The following KCNMB2 variants were observed in gnomAD, a reference collection of about 807,000 sequenced individuals.
The protein encoded by KCNMB2 is calcium-activated potassium channel subunit beta-2.
In KCNMB2, 9 loss-of-function variants were observed where a neutral mutation model predicts 24.5. The ratio of observed to expected loss-of-function variants is 0.37; its 90% CI spans 0.22 to 0.64. The LOEUF (loss-of-function observed/expected upper bound fraction) is 0.64. Ranked by LOEUF, KCNMB2 falls within the 30% of genes least tolerant of loss-of-function variation. The pLI, the probability that KCNMB2 is intolerant of heterozygous loss-of-function variation, is 0.63. For missense variants in KCNMB2, 226 were observed against 284.3 expected, an observed-to-expected ratio of 0.79 and a Z score of 1.47; for synonymous variants, 109 against 104.4, an observed-to-expected ratio of 1.04 and a Z score of -0.27.
rs148213201 is a variant in KCNMB2 at position 178,587,373 on chromosome 3, A to G, written c.-68+50662A>G. On this transcript the variant is annotated intron_variant, in intron 1 of 4. Coordinates refer to ENST00000452583, the MANE Select transcript of KCNMB2 (RefSeq NM_181361.3). Reference sequence around the variant, plus strand: ...GGTGGAAGAAGGACCCCTAGAGTCCAAGGACCTTTGTCCCCCAATAAACAG... The same window carrying G: ...GGTGGAAGAAGGACCCCTAGAGTCCGAGGACCTTTGTCCCCCAATAAACAG... Among the ~76,000 whole-genome samples, 23 of 152,308 alleles carry G rather than the reference A, an allele frequency of 1.5e-4. No individual in the cohort carries two copies. In the East Asian group the frequency reaches 4.1e-3, roughly 27 times the overall value.
At chr3:178,805,755 G>A (rs1234888871) in intron 1 of KCNMB2, among the ~76,000 whole-genome samples, 1 of 151,868 alleles carries the variant, frequency 6.6e-6, no homozygotes, top group Non-Finnish European at 1.5e-5. Context: ...TTAGCCTCCC[G>A]AGTAGCTGGA....
intron 1 of KCNMB2, among the ~76,000 whole-genome samples, chr3:178,607,907 T>G (rs945434564): frequency 6.6e-6 from 1 of 152,160 alleles, no homozygotes; most frequent in African/African-American, 2.4e-5. Flanking sequence ...CTAGCAAGAA[T>G]GAACACCATT....
chr3:178,606,625 C>A (rs1246852596), intron 1 of KCNMB2, among the ~76,000 whole-genome samples: 1 of 151,878 alleles, frequency 6.6e-6, no homozygotes, highest in Non-Finnish European at 1.5e-5. Flanking sequence ...ATCTCTGGGG[C>A]TATGATGATC....
At chr3:178,705,683 A>T (rs1722254380) in intron 1 of KCNMB2, among the ~76,000 whole-genome samples, 1 of 152,174 alleles carries the variant, frequency 6.6e-6, no homozygotes, top group Non-Finnish European at 1.5e-5. Context: ...AGTTGTCTGT[A>T]AGAGCCTTTT....
rs141066732 is a variant in KCNMB2, at chr3:178,705,575, G to A, written c.-67-101768G>A. Among the ~76,000 whole-genome samples the A allele has an allele frequency of 5.0e-3, 768 of 152,156 alleles. 7 individuals carry two copies. Among genetic ancestry groups the A allele is most frequent in the South Asian group, 0.014 (69 of 4,824 alleles). ...TTCAAATTAGAGCTTAATCACACAG[G>A]AAAGAATGCTTAAAAATAAGTTCCA... On this transcript the variant is annotated intron_variant, in intron 1 of 4. Coordinates refer to ENST00000452583, the MANE Select transcript of KCNMB2 (RefSeq NM_181361.3).
intron 1 of KCNMB2, among the ~76,000 whole-genome samples, chr3:178,757,362 A>G (rs201022090): frequency 0.015 from 819 of 53,994 alleles, 6 homozygotes; most frequent in Non-Finnish European, 0.017. Flanking sequence ...ATATATATAT[A>G]TATATATATA....
At chr3:178,619,642 T>C (rs927393222) in intron 1 of KCNMB2, among the ~76,000 whole-genome samples, 1 of 152,140 alleles carries the variant, frequency 6.6e-6, no homozygotes, top group Non-Finnish European at 1.5e-5. Context: ...CAATCCATGA[T>C]TATATATGGA....
intron 2 of KCNMB2, among the ~76,000 whole-genome samples, chr3:178,817,791 A>G (rs920694464): frequency 6.6e-6 from 1 of 152,188 alleles, no homozygotes; most frequent in African/African-American, 2.4e-5. Flanking sequence ...TTTAGTTTTA[A>G]TAGACCATTC....
At chr3:178,694,020 T>C (rs995342684) in intron 1 of KCNMB2, among the ~76,000 whole-genome samples, 6 of 152,126 alleles carry the variant, frequency 3.9e-5, no homozygotes, top group Non-Finnish European at 7.4e-5. Flanking sequence ...CTTCTCATGT[T>C]GCCAATAAAG....
intron 1 of KCNMB2, among the ~76,000 whole-genome samples, chr3:178,692,614 T>C (rs902442549): frequency 6.6e-6 from 1 of 152,198 alleles, no homozygotes; most frequent in African/African-American, 2.4e-5. Context: ...TGGCTGTTTT[T>C]GTGTCAGTAC....
intron 1 of KCNMB2, among the ~76,000 whole-genome samples, chr3:178,769,873 A>G: frequency 6.6e-6 from 1 of 152,362 alleles, no homozygotes; most frequent in Middle Eastern, 3.4e-3. Context: ...TTATATAAAT[A>G]AATTAGAGTA....
At chr3:178,791,317 T>A (rs1713314884) in intron 1 of KCNMB2, among the ~76,000 whole-genome samples, 1 of 152,182 alleles carries the variant, frequency 6.6e-6, no homozygotes. Flanking sequence ...ATTCTGGAGT[T>A]GAAAAATTTA....
intron 1 of KCNMB2, among the ~76,000 whole-genome samples, chr3:178,806,711 A>ATAATAC (rs1713985767): frequency 6.6e-6 from 1 of 151,082 alleles, no homozygotes; most frequent in African/African-American, 2.4e-5. Flanking sequence ...AATAATAATA[A>ATAATAC]TAATAACCCA....
At chr3:178,698,169 T>C (rs1388153988) in intron 1 of KCNMB2, among the ~76,000 whole-genome samples, 1 of 152,234 alleles carries the variant, frequency 6.6e-6, no homozygotes, top group Non-Finnish European at 1.5e-5. Context: ...GAAGTTCTCA[T>C]GGAAAACATC....
intron 1 of KCNMB2, among the ~76,000 whole-genome samples, chr3:178,797,875 G>A (rs1480052486): frequency 6.6e-6 from 1 of 152,036 alleles, no homozygotes; most frequent in African/African-American, 2.4e-5. Flanking sequence ...GTATTCCTAG[G>A]TATTTTATTC....
At chr3:178,599,873 G>T (rs745547011) in intron 1 of KCNMB2, among the ~76,000 whole-genome samples, 1 of 151,938 alleles carries the variant, frequency 6.6e-6, no homozygotes, top group Non-Finnish European at 1.5e-5. Context: ...TTCTCTTTTG[G>T]TGACTAGCCT....
chr3:178,708,291 C>T lies in KCNMB2; in HGVS notation c.-67-99052C>T, dbSNP rs1256698167. Among the ~76,000 whole-genome samples, 3 of 152,208 alleles carry T rather than the reference C, an allele frequency of 2.0e-5. No individual in the cohort carries two copies. The East Asian group carries it at 5.8e-4, about 29-fold the overall frequency. ...GGACCATGGTTTATTCATCTTTGTA[C>T]TACCAGTGGTGGTAATATGTAATAA... On this transcript the variant is annotated intron_variant, in intron 1 of 4. Transcript: ENST00000452583.
rs184394089 is a variant in KCNMB2, at chr3:178,778,738, C to T, written c.-67-28605C>T. 1.9e-4 allele frequency among the ~76,000 whole-genome samples: 29 copies of T among 152,310 alleles called. No homozygotes were observed. In the East Asian group the frequency reaches 5.0e-3, roughly 26 times the overall value. ...GACTAGCCAGTTAGGCTCTCCCTCC[C>T]TGTAGCACCAACACCCTCCAACCCG... On this transcript the variant is annotated intron_variant, in intron 1 of 4. Coordinates refer to ENST00000452583, the MANE Select transcript of KCNMB2 (RefSeq NM_181361.3).
intron 2 of KCNMB2, among the ~76,000 whole-genome samples, chr3:178,823,792 G>A (rs980338714): frequency 7.9e-5 from 12 of 151,968 alleles, no homozygotes; most frequent in African/African-American, 2.2e-4. Context: ...TCCCTCCCCC[G>A]CAAAGTTCCA....
Sources: allele counts gnomAD v4.1 joint callset (sites outside exome capture counted in the v4.1 genomes callset), GRCh38; gene constraint gnomAD v4.1.1; transcripts MANE v1.5; gene names NCBI Gene and HGNC (gene_info 2026-07-23, HGNC 2026-07-21).